The following PREX1 variants were observed in gnomAD, a reference collection of about 807,000 sequenced individuals.
PREX1 encodes phosphatidylinositol 3,4,5-trisphosphate-dependent Rac exchanger 1 protein.
A neutral mutation model predicts 198.3 loss-of-function variants in PREX1; 41 were observed. The observed-to-expected ratio is 0.21, with a 90% CI of 0.16 to 0.27. PREX1 has a LOEUF of 0.27. Among genes scored for constraint, PREX1 ranks in the 10% least tolerant of loss-of-function variants. The probability of loss-of-function intolerance (pLI) is 1.00; values close to 1 mark genes in which losing one functional copy is unlikely to be tolerated. For synonymous variants in PREX1, 843 were observed against 887.2 expected (o/e 0.95, Z 0.89); for missense variants, 1,620 against 2,200.7 (o/e 0.74, Z 5.28).
rs775544291 is a variant in PREX1, at chr20:48,671,517, T to C, written c.1665+4676A>G. On this transcript the variant is annotated intron_variant, in intron 14 of 39. Coordinates refer to ENST00000371941, the MANE Select transcript of PREX1 (RefSeq NM_020820.4). ...TTCCTGTTATGTGCAGCCAAACGCA[T>C]GTGTAACTGATCCAGCAGGGATTTA... 1.5e-4 allele frequency among the ~76,000 whole-genome samples: 23 copies of C among 152,236 alleles called. 1 individual carries two copies. The highest frequency in any genetic ancestry group is 6.5e-5 in the Admixed American group (1 of 15,288).
intron 36 of PREX1, 40 bp from the exon 37 acceptor site, chr20:48,629,661 G>T (rs1209463941): frequency 2.5e-6 from 4 of 1,596,980 alleles, no homozygotes; most frequent in Non-Finnish European, 2.6e-6. Context: ...GTTGGAGGAG[G>T]TCCTCACAGC....
chr20:48,836,852 G>A, the PREX1 span, among the ~76,000 whole-genome samples: 1 of 139,288 alleles, frequency 7.2e-6, no homozygotes, highest in Non-Finnish European at 1.5e-5. Flanking sequence ...GAGGTGGAGC[G>A]AGATCGCACC....
intron 17 of PREX1, 98 bp from the exon 18 acceptor site, chr20:48,657,286 G>T: frequency 2.1e-6 from 3 of 1,415,234 alleles, no homozygotes; most frequent in Non-Finnish European, 2.9e-6. Context: ...AAGGGTGCTG[G>T]CCCAAGGGAT....
chr20:48,720,138 C>T (rs2089978846), intron 5 of PREX1, among the ~76,000 whole-genome samples: 1 of 152,212 alleles, frequency 6.6e-6, no homozygotes, highest in South Asian at 2.1e-4. Flanking sequence ...TGACTTCCTC[C>T]TTCACCTCTT....
the PREX1 span, among the ~76,000 whole-genome samples, chr20:48,837,023 C>A: frequency 6.6e-6 from 1 of 152,046 alleles, no homozygotes; most frequent in African/African-American, 2.4e-5. Flanking sequence ...TTCCTTCCCC[C>A]ACCATCTAAC....
At chr20:48,678,640 TG>T (rs1432780478) in intron 13 of PREX1, among the ~76,000 whole-genome samples, 2 of 152,268 alleles carry the variant, frequency 1.3e-5, no homozygotes, top group Admixed American at 1.3e-4. Context: ...ATACTGTTCT[TG>T]TGGTAGTGAA....
chr20:48,869,493 C>G, the PREX1 span, among the ~76,000 whole-genome samples: 1 of 151,938 alleles, frequency 6.6e-6, no homozygotes, highest in African/African-American at 2.4e-5. Context: ...TAACCCACCC[C>G]CATTTAGATT....
At chr20:48,742,484 AAGTCG>A (rs2090086704) in intron 3 of PREX1, among the ~76,000 whole-genome samples, 1 of 152,108 alleles carries the variant, frequency 6.6e-6, no homozygotes, top group Admixed American at 6.5e-5. Context: ...CTAGGATGCA[AAGTCG>A]AGCAGCTGGG....
chr20:48,630,858 A>G (rs3810534), intron 35 of PREX1, 64 bp from the exon 36 acceptor site: 128,407 of 1,270,768 alleles, frequency 0.1, 7,191 homozygotes, highest in East Asian at 0.17. Flanking sequence ...GCCCCTACCC[A>G]GGTCTCAACT....
chr20:48,745,567 G>A (rs1229368066), intron 2 of PREX1, among the ~76,000 whole-genome samples: 2 of 152,212 alleles, frequency 1.3e-5, no homozygotes, highest in East Asian at 1.9e-4. Context: ...GCTACAGGAC[G>A]ATGTTGAAAT....
chr20:48,859,183 G>A, the PREX1 span, among the ~76,000 whole-genome samples: 1 of 152,140 alleles, frequency 6.6e-6, no homozygotes, highest in South Asian at 2.1e-4. Flanking sequence ...TTACAGGTGG[G>A]AGCCACAGCA....
the PREX1 span, among the ~76,000 whole-genome samples, chr20:48,845,377 T>G: frequency 6.6e-6 from 1 of 152,158 alleles, no homozygotes; most frequent in African/African-American, 2.4e-5. Flanking sequence ...GAGATCTAAA[T>G]GCACAGCCAA....
Position 48,665,008 on chromosome 20 carries a change from C to T in PREX1, c.1738+1275G>A, listed in dbSNP as rs1334255528. Among the ~76,000 whole-genome samples, 5 of 137,178 alleles carry T rather than the reference C, an allele frequency of 3.6e-5. No individual in the cohort carries two copies. In the East Asian group the frequency reaches 8.8e-4, roughly 24 times the overall value. 90.0% of individuals were successfully genotyped at this position (137,178 alleles called of 152,430 possible). A position where few individuals can be genotyped will look rare whatever the true frequency, so the allele number is the denominator to read the frequency against. On this transcript the variant is annotated intron_variant, in intron 15 of 39. Transcript: ENST00000371941. Reference sequence around the variant, plus strand: ...CGCCCCAGACGGCCTGAATTCTAATCCCGACTCCAGACGGCCTGAATTCTA... The same window carrying T: ...CGCCCCAGACGGCCTGAATTCTAATTCCGACTCCAGACGGCCTGAATTCTA...
At chr20:48,790,912 T>C (rs930050867) in intron 1 of PREX1, among the ~76,000 whole-genome samples, 2 of 151,966 alleles carry the variant, frequency 1.3e-5, no homozygotes, top group Non-Finnish European at 2.9e-5. Flanking sequence ...TCTGCTTACC[T>C]CTACCCACCC....
intron 1 of PREX1, among the ~76,000 whole-genome samples, chr20:48,763,171 G>A (rs967858895): frequency 2.0e-5 from 3 of 152,228 alleles, no homozygotes; most frequent in African/African-American, 7.2e-5. Flanking sequence ...AAAAGAAATA[G>A]ATACCTGCAT....
chr20:48,682,338 T>A (rs2089756760), intron 10 of PREX1, among the ~76,000 whole-genome samples: 1 of 152,180 alleles, frequency 6.6e-6, no homozygotes, highest in Admixed American at 6.5e-5. Flanking sequence ...CCGACCCCTA[T>A]CCAATCCATC....
At chr20:48,698,179 C>A (rs1020951580) in intron 7 of PREX1, among the ~76,000 whole-genome samples, 2 of 152,180 alleles carry the variant, frequency 1.3e-5, no homozygotes, top group Admixed American at 1.3e-4. Flanking sequence ...TGGGGAATGG[C>A]CTTGAAAGAG....
intron 14 of PREX1, among the ~76,000 whole-genome samples, chr20:48,674,867 C>G (rs1398630810): frequency 2.6e-5 from 4 of 152,158 alleles, no homozygotes; most frequent in African/African-American, 9.7e-5. Context: ...CAACCCCTAC[C>G]CACTGGGAAC....
intron 1 of PREX1, among the ~76,000 whole-genome samples, chr20:48,786,843 A>AAG (rs1032375808): frequency 4.0e-5 from 6 of 149,898 alleles, no homozygotes; most frequent in African/African-American, 1.2e-4. Context: ...AAGAAAGAAA[A>AAG]AGAGAGAGAG....
Sources: gnomAD v4.1 joint callset for allele counts (sites outside exome capture counted in the v4.1 genomes callset) on GRCh38, gnomAD v4.1.1 for gene constraint, MANE v1.5 for transcripts, NCBI Gene and HGNC (gene_info 2026-07-23, HGNC 2026-07-21) for gene names.